CADPS2: variants seen among roughly 807,000 people sequenced by gnomAD.
CADPS2 encodes calcium-dependent secretion activator 2.
CADPS2 carries 93 observed loss-of-function variants against 172.5 expected under a neutral mutation model. The observed-to-expected ratio is 0.54, with a 90% confidence interval of 0.46 to 0.64. The LOEUF (loss-of-function observed/expected upper bound fraction) is 0.64. CADPS2 is among the 30% of genes least tolerant of loss of function. CADPS2 has a pLI of 0.00. For synonymous variants in CADPS2, 546 were observed against 555.2 expected (o/e 0.98, Z 0.23); for missense variants, 1,420 against 1,565.9 (o/e 0.91, Z 1.57).
chr7:122,631,200 A>G (rs987645611), intron 3 of CADPS2, among the ~76,000 whole-genome samples: 13 of 152,194 alleles, frequency 8.5e-5, no homozygotes, highest in South Asian at 8.3e-4. Flanking sequence ...ATGCTGATAC[A>G]TATTTCTTCA....
intron 1 of CADPS2, among the ~76,000 whole-genome samples, chr7:122,841,974 G>A (rs965289149): frequency 1.3e-5 from 2 of 152,228 alleles, no homozygotes; most frequent in Non-Finnish European, 2.9e-5. Flanking sequence ...TTTACAAGGT[G>A]TGGGTGAAGA....
chr7:122,367,159 A>C (rs1248784985), intron 25 of CADPS2, among the ~76,000 whole-genome samples: 1 of 152,192 alleles, frequency 6.6e-6, no homozygotes, highest in Non-Finnish European at 1.5e-5. Flanking sequence ...AGTTTAATGC[A>C]ATTAATTTCA....
chr7:122,757,784 T>C (rs1406427895), intron 1 of CADPS2, among the ~76,000 whole-genome samples: 1 of 152,016 alleles, frequency 6.6e-6, no homozygotes, highest in African/African-American at 2.4e-5. Flanking sequence ...AAGGTAGTCA[T>C]TATTCACACG....
chr7:122,348,521 T>C (rs1049081885), intron 27 of CADPS2, among the ~76,000 whole-genome samples: 5 of 152,192 alleles, frequency 3.3e-5, no homozygotes, highest in African/African-American at 9.6e-5. Flanking sequence ...GTGTTTCCTT[T>C]TTTTAAAAAA....
At chr7:122,871,340 T>C (rs1254438013) in intron 1 of CADPS2, among the ~76,000 whole-genome samples, 2 of 152,158 alleles carry the variant, frequency 1.3e-5, no homozygotes, top group African/African-American at 4.8e-5. Flanking sequence ...TGCAGGATAC[T>C]TCATGATCTT....
At chr7:122,448,998 T>G (rs963661396) in intron 15 of CADPS2, among the ~76,000 whole-genome samples, 1 of 152,102 alleles carries the variant, frequency 6.6e-6, no homozygotes, top group Non-Finnish European at 1.5e-5. Context: ...TGAAAGAGAA[T>G]AGCAATGTGA....
At chr7:122,536,972 A>C in intron 8 of CADPS2, among the ~76,000 whole-genome samples, 1 of 152,070 alleles carries the variant, frequency 6.6e-6, no homozygotes. Context: ...ATAAATGATG[A>C]GAACACATGG....
chr7:122,594,283 A>C (rs1440925743), intron 6 of CADPS2, among the ~76,000 whole-genome samples: 5 of 152,098 alleles, frequency 3.3e-5, no homozygotes, highest in Middle Eastern at 3.4e-3. Flanking sequence ...AGGGGAAAAA[A>C]AAATTACAAG....
rs562677794 is a variant in CADPS2 at position 122,837,210 on chromosome 7, T to A, written c.339+48789A>T. Reference sequence around the variant, plus strand: ...ACATAACGAAATGAAGGCAGAAATATAGATGTTCTTTGAAACCAATGAAAA... The same window carrying A: ...ACATAACGAAATGAAGGCAGAAATAAAGATGTTCTTTGAAACCAATGAAAA... On this transcript the variant is annotated intron_variant, in intron 1 of 29. Coordinates refer to ENST00000449022, the MANE Select transcript of CADPS2 (RefSeq NM_017954.11). Among the ~76,000 whole-genome samples the A allele has an allele frequency of 3.7e-3, 562 of 151,940 alleles. 4 individuals carry two copies. The highest frequency in any genetic ancestry group is 0.024 in the Middle Eastern group (7 of 294).
At chr7:122,363,084 C>G (rs752117802) in intron 25 of CADPS2, among the ~76,000 whole-genome samples, 1 of 152,200 alleles carries the variant, frequency 6.6e-6, no homozygotes, top group South Asian at 2.1e-4. Flanking sequence ...TAATTTAGCA[C>G]TTTCTTCCTG....
At chr7:122,684,215 A>G (rs147256443) in intron 2 of CADPS2, among the ~76,000 whole-genome samples, 5 of 152,116 alleles carry the variant, frequency 3.3e-5, no homozygotes, top group Admixed American at 6.6e-5. Context: ...GGTTAAATTG[A>G]TATCATTATA....
intron 8 of CADPS2, among the ~76,000 whole-genome samples, chr7:122,540,968 C>G (rs1397126321): frequency 6.6e-6 from 1 of 151,648 alleles, no homozygotes; most frequent in Non-Finnish European, 1.5e-5. Flanking sequence ...GGTCTGAACA[C>G]TATAAATACA....
chr7:122,480,788 TCAAA>T (rs2057194867), intron 12 of CADPS2, 60 bp downstream of exon 12: 4 of 1,131,052 alleles, frequency 3.5e-6, no homozygotes, highest in Non-Finnish European at 1.3e-6. Flanking sequence ...ATGATATTCC[TCAAA>T]CATAGTATCA....
chr7:122,732,004 T>C (rs1184011609), intron 2 of CADPS2, among the ~76,000 whole-genome samples: 4 of 151,842 alleles, frequency 2.6e-5, no homozygotes, highest in African/African-American at 9.7e-5. Context: ...TAAATTATAT[T>C]GTTACATAAA....
chr7:122,673,438 A>T (rs1014059942), intron 2 of CADPS2, among the ~76,000 whole-genome samples: 2 of 152,214 alleles, frequency 1.3e-5, no homozygotes, highest in Non-Finnish European at 2.9e-5. Flanking sequence ...TGGACATAAA[A>T]GTTCTCCAAG....
chr7:122,853,869 A>G (rs1176699439), intron 1 of CADPS2, among the ~76,000 whole-genome samples: 1 of 152,192 alleles, frequency 6.6e-6, no homozygotes, highest in Non-Finnish European at 1.5e-5. Flanking sequence ...AGTACATGCC[A>G]AAGCTTCAGC....
intron 25 of CADPS2, among the ~76,000 whole-genome samples, chr7:122,368,374 C>G (rs1329378489): frequency 1.3e-5 from 2 of 152,122 alleles, no homozygotes; most frequent in Non-Finnish European, 2.9e-5. Flanking sequence ...TCACTCTTTC[C>G]CTCCCTGGTC....
chr7:122,643,636 T>C (rs531733609), intron 3 of CADPS2, among the ~76,000 whole-genome samples: 46 of 152,112 alleles, frequency 3.0e-4, no homozygotes, highest in African/African-American at 1.1e-3. Flanking sequence ...TTTCTGCATA[T>C]GATTCTCATT....
At chr7:122,422,526 C>G (rs1350898346) in intron 17 of CADPS2, among the ~76,000 whole-genome samples, 1 of 152,118 alleles carries the variant, frequency 6.6e-6, no homozygotes, top group Non-Finnish European at 1.5e-5. Flanking sequence ...TATAAAGCAA[C>G]ATTACATTAC....
Sources: allele counts gnomAD v4.1 joint callset (sites outside exome capture counted in the v4.1 genomes callset), GRCh38; gene constraint gnomAD v4.1.1; transcripts MANE v1.5; gene names NCBI Gene and HGNC (gene_info 2026-07-23, HGNC 2026-07-21).